The following PCNX1 variants were observed in gnomAD, a reference collection of about 807,000 sequenced individuals.
PCNX1 encodes the protein pecanex-like protein 1.
Under a neutral mutation model 242.2 loss-of-function variants are expected in PCNX1, and 78 were observed. The ratio of observed to expected loss-of-function variants is 0.32; its 90% CI spans 0.27 to 0.39. The LOEUF is 0.39. PCNX1 is among the 10% of genes least tolerant of loss of function. The probability of loss-of-function intolerance (pLI) is 1.00; values close to 1 mark genes in which losing one functional copy is unlikely to be tolerated. For missense variants in PCNX1, 2,581 were observed against 2,856.5 expected (o/e 0.90, Z 2.20); for synonymous variants, 1,024 against 1,032.9 (o/e 0.99, Z 0.17).
chr14:71,050,575 C>T, intron 22 of PCNX1, 77 bp from the exon 23 acceptor site: 2 of 1,340,358 alleles, frequency 1.5e-6, no homozygotes, highest in South Asian at 1.4e-5. Context: ...ATACATTTTA[C>T]AGGGTTTTTA....
chr14:71,030,688 A>C (rs758580092), intron 16 of PCNX1, among the ~76,000 whole-genome samples: 1 of 152,144 alleles, frequency 6.6e-6, no homozygotes, highest in Non-Finnish European at 1.5e-5. Flanking sequence ...TTCCTAAGAA[A>C]TCTAGAATGC....
chr14:70,942,772 G>A (rs1161323471), intron 1 of PCNX1: 1 of 152,252 alleles, frequency 6.6e-6, no homozygotes, highest in Non-Finnish European at 1.5e-5. Context: ...TCATTATGTA[G>A]TCATGATTGA....
chr14:70,969,027 C>A lies in PCNX1; in HGVS notation c.521C>A (p.Thr174Lys), dbSNP rs370372613. 27 of 1,594,772 alleles carry A rather than the reference C, an allele frequency of 1.7e-5. No individual in the cohort carries two copies. Among genetic ancestry groups the A allele is most frequent in the Middle Eastern group, 1.7e-4 (1 of 6,030 alleles). The stretch of plus-strand genomic sequence containing the variant: ...GTTTCTCTTAACTTTGTAGGAGATA[C>A]AGACACTGCTAAGACTTCTGATGAT... ...LGTAATIKGD[T>K]DTAKTSDDIS... The change falls in exon 5 of 36, where the codon ACA becomes AAA. Residue 174 changes from threonine to lysine, a missense_variant. Transcript: ENST00000304743.
At chr14:71,070,831 A>T (rs1157950626) in intron 26 of PCNX1, among the ~76,000 whole-genome samples, 4 of 152,234 alleles carry the variant, frequency 2.6e-5, no homozygotes, top group Non-Finnish European at 5.9e-5. Context: ...AAAGAGAGTC[A>T]GCCTGTCCTT....
chr14:71,019,154 C>T lies in PCNX1; in HGVS notation c.3142C>T (p.Leu1048=), dbSNP rs779213306. The part of the protein sequence containing the change: ...CLVIASCQYS[L]LKSVQPDSSS... Reference sequence around the variant, plus strand: ...CGTCATAGCCAGCTGTCAATACTCACTGCTTAAGGTACCAGCATCTCTTCT... The same window carrying T: ...CGTCATAGCCAGCTGTCAATACTCATTGCTTAAGGTACCAGCATCTCTTCT... Residue 1048 remains leucine, a synonymous_variant, in exon 12 of 36, where the codon CTG becomes TTG. Transcript: ENST00000304743. 28 of 1,608,028 alleles carry T rather than the reference C, an allele frequency of 1.7e-5. 1 individual carries two copies. The South Asian group carries it at 3.0e-4, about 17-fold the overall frequency.
chr14:71,050,512 T>C (rs377727245), intron 22 of PCNX1, 140 bp from the exon 23 acceptor site: 26 of 659,314 alleles, frequency 3.9e-5, no homozygotes, highest in East Asian at 2.4e-4. Context: ...TTTCCTGTTA[T>C]GTAAATGGCA....
At chr14:71,072,228 C>G (rs577682356) in intron 26 of PCNX1, among the ~76,000 whole-genome samples, 51 of 152,276 alleles carry the variant, frequency 3.3e-4, no homozygotes, top group African/African-American at 1.2e-3. Context: ...GTAGATATCA[C>G]AGTGCCTTCA....
At chr14:71,055,452 T>C in intron 24 of PCNX1, 52 bp from the exon 25 acceptor site, 1 of 1,068,196 alleles carries the variant, frequency 9.4e-7, no homozygotes, top group East Asian at 2.4e-5. Context: ...TCTAAATTGT[T>C]AAATATTTTT....
At chr14:71,015,170 T>G (rs895633363) in intron 11 of PCNX1, among the ~76,000 whole-genome samples, 3 of 152,154 alleles carry the variant, frequency 2.0e-5, no homozygotes, top group Admixed American at 6.5e-5. Context: ...AGAATTCTTA[T>G]GAGCAGACCC....
In PCNX1 at chr14:71,026,286, T is replaced by C. The variant is rs769661451; in HGVS notation, c.3353T>C (p.Ile1118Thr). Reference sequence around the variant, plus strand: ...TTTATATCAGCCAGGGATTTAGTTATAGGTGAGTCATCTTAAAGTATCTCT... The same window carrying C: ...TTTATATCAGCCAGGGATTTAGTTACAGGTGAGTCATCTTAAAGTATCTCT... ...LVFISARDLV[I>T]VFTLCFPIVF... The change falls in exon 14 of 36, where the codon ATA becomes ACA. Residue 1118 changes from isoleucine (I) to threonine (T), a missense_variant and splice_region_variant. Around this residue, in one of 9 missense-constraint regions of PCNX1, gnomAD observed 432 missense variants for 443.1 expected, o/e 0.97. Coordinates refer to ENST00000304743, the MANE Select transcript of PCNX1 (RefSeq NM_014982.3). 47 of 1,573,368 alleles carry C rather than the reference T, an allele frequency of 3.0e-5. No individual in the cohort carries two copies. Among genetic ancestry groups the C allele is most frequent in the Non-Finnish European group, 4.1e-5 (47 of 1,153,724 alleles).
At chr14:70,959,316 T>C (rs1189032658) in intron 2 of PCNX1, among the ~76,000 whole-genome samples, 1 of 150,750 alleles carries the variant, frequency 6.6e-6, no homozygotes, top group African/African-American at 2.4e-5. Flanking sequence ...GCCATGCTGG[T>C]GAGCTGCACC....
intron 19 of PCNX1, among the ~76,000 whole-genome samples, chr14:71,038,614 A>C (rs2060615261): frequency 6.6e-6 from 1 of 151,176 alleles, no homozygotes; most frequent in South Asian, 2.1e-4. Context: ...ACACTTTTAC[A>C]CTGTTGGTGG....
chr14:70,976,541 T>C (rs2058696605), intron 5 of PCNX1, among the ~76,000 whole-genome samples: 1 of 151,812 alleles, frequency 6.6e-6, no homozygotes, highest in Non-Finnish European at 1.5e-5. Flanking sequence ...CCCGGCTAAT[T>C]TTTTTGTATT....
chr14:71,046,798 A>T (rs1026555121), intron 20 of PCNX1, 166 bp from the exon 21 acceptor site: 1 of 165,716 alleles, frequency 6.0e-6, no homozygotes, highest in African/African-American at 2.4e-5. Context: ...CAAATTTGTA[A>T]GTATCTCAGA....
intron 19 of PCNX1, among the ~76,000 whole-genome samples, chr14:71,041,647 G>T (rs1227471748): frequency 2.0e-5 from 3 of 151,726 alleles, no homozygotes; most frequent in African/African-American, 4.8e-5. Flanking sequence ...CAACTTTTTG[G>T]TTCCTTGATC....
chr14:70,908,360 G>A (rs1239482938), intron 1 of PCNX1, among the ~76,000 whole-genome samples: 2 of 152,048 alleles, frequency 1.3e-5, no homozygotes, highest in East Asian at 3.9e-4. Context: ...CGAGCGCTCT[G>A]CGGCTTTAGG....
At chr14:70,933,703 C>G (rs570680389) in intron 1 of PCNX1, among the ~76,000 whole-genome samples, 1 of 152,256 alleles carries the variant, frequency 6.6e-6, no homozygotes, top group East Asian at 1.9e-4. Flanking sequence ...CTTAGTTTCC[C>G]TATCTTGAAA....
intron 16 of PCNX1, among the ~76,000 whole-genome samples, chr14:71,032,206 T>A (rs1183656420): frequency 6.6e-6 from 1 of 152,228 alleles, no homozygotes; most frequent in Non-Finnish European, 1.5e-5. Flanking sequence ...ACCTGATGTG[T>A]TTGCTTTATT....
At chr14:70,989,408 T>A (rs1200730249) in intron 7 of PCNX1, among the ~76,000 whole-genome samples, 2 of 152,016 alleles carry the variant, frequency 1.3e-5, no homozygotes, top group Non-Finnish European at 2.9e-5. Context: ...TTCATTAAAA[T>A]TCCAGTAACT....
Sources: gnomAD v4.1 joint callset for allele counts (sites outside exome capture counted in the v4.1 genomes callset) on GRCh38, gnomAD v4.1.1 for gene constraint, gnomAD v4.1.1 regional missense constraint, MANE v1.5 for transcripts, NCBI Gene and HGNC (gene_info 2026-07-23, HGNC 2026-07-21) for gene names.